Variants in SAMD5 observed in about 807,000 individuals in gnomAD.
The protein encoded by SAMD5 is sterile alpha motif domain-containing protein 5.
Under a neutral mutation model 11.3 loss-of-function variants are expected in SAMD5, and 13 were observed. The observed-to-expected ratio is 1.15, with a 90% CI of 0.75 to 1.83. The LOEUF is 1.83. Ranked by LOEUF, SAMD5 falls within the 40% of genes most tolerant of loss-of-function variation. The pLI is 0.00. For missense variants in SAMD5, 255 were observed against 239.1 expected, an observed-to-expected ratio of 1.07 and a Z score of -0.44; for synonymous variants, 129 against 111.3, an observed-to-expected ratio of 1.16 and a Z score of -1.00.
intron 1 of SAMD5, among the ~76,000 whole-genome samples, chr6:147,594,608 C>A (rs1789502878): frequency 6.6e-6 from 1 of 152,024 alleles, no homozygotes; most frequent in Non-Finnish European, 1.5e-5. Flanking sequence ...CAGAAGTTTC[C>A]TTTTAATAGT....
intron 1 of SAMD5, among the ~76,000 whole-genome samples, chr6:147,587,289 G>A (rs1339647835): frequency 1.3e-5 from 2 of 152,040 alleles, no homozygotes; most frequent in African/African-American, 4.8e-5. Flanking sequence ...CCAGGCTGGG[G>A]TACAGTGACG....
intron 1 of SAMD5, among the ~76,000 whole-genome samples, chr6:147,532,790 A>G (rs1788449011): frequency 6.6e-6 from 1 of 152,194 alleles, no homozygotes; most frequent in Admixed American, 6.5e-5. Context: ...CCACACCAAC[A>G]TCTACATAGC....
At chr6:147,646,474 T>A (rs1334769337) in intron 1 of SAMD5, among the ~76,000 whole-genome samples, 1 of 152,222 alleles carries the variant, frequency 6.6e-6, no homozygotes, top group African/African-American at 2.4e-5. Context: ...TTGGCCTGTT[T>A]ATGTCTCATG....
chr6:147,628,450 G>A lies in SAMD5; in HGVS notation c.163-108867G>A, dbSNP rs117444935. On this transcript the variant is annotated intron_variant, in intron 1 of 1. Coordinates refer to the SAMD5 transcript ENST00000566741. ...TTTTGAGAATGAAAGAAATGAAAAA[G>A]CAACAGATCACCAGGAGCCACATGG... Among the ~76,000 whole-genome samples, 1,055 of 152,206 alleles carry A rather than the reference G, an allele frequency of 6.9e-3. 16 individuals carry two copies. Among genetic ancestry groups the A allele is most frequent in the East Asian group, 0.041 (213 of 5,174 alleles).
At chr6:147,715,935 G>A (rs960172935) in intron 1 of SAMD5, among the ~76,000 whole-genome samples, 5 of 152,142 alleles carry the variant, frequency 3.3e-5, no homozygotes, top group African/African-American at 7.2e-5. Flanking sequence ...GAAGAAGTAC[G>A]TGCTGATTGG....
chr6:147,614,353 C>A (rs1050615948), intron 1 of SAMD5, among the ~76,000 whole-genome samples: 32 of 151,664 alleles, frequency 2.1e-4, no homozygotes, highest in Non-Finnish European at 4.0e-4. Flanking sequence ...CCTGTAGTCC[C>A]AGCTACCAGG....
chr6:147,682,743 C>G (rs1790957787), intron 1 of SAMD5, among the ~76,000 whole-genome samples: 2 of 150,534 alleles, frequency 1.3e-5, no homozygotes, highest in Non-Finnish European at 3.0e-5. Context: ...ATTATCCTTA[C>G]TGGTCTTTAC....
At chr6:147,540,075 T>TTCTTTTTTTTCTCTC (rs1476443517) in intron 1 of SAMD5, among the ~76,000 whole-genome samples, 2 of 151,502 alleles carry the variant, frequency 1.3e-5, no homozygotes, top group East Asian at 3.9e-4. Flanking sequence ...GGTGAGCAGT[T>TTCTTTTTTTTCTCTC]TCTTTTTTTT....
intron 1 of SAMD5, among the ~76,000 whole-genome samples, chr6:147,674,847 C>T (rs1182264825): frequency 6.6e-6 from 1 of 152,142 alleles, no homozygotes; most frequent in Non-Finnish European, 1.5e-5. Flanking sequence ...TCTGCTGTTT[C>T]CCCTTTATTT....
chr6:147,895,758 C>T, the SAMD5 span, among the ~76,000 whole-genome samples: 2 of 152,196 alleles, frequency 1.3e-5, no homozygotes, highest in African/African-American at 4.8e-5. Flanking sequence ...ACCTCGGCCA[C>T]ATTAGAAAAT....
chr6:147,759,733 C>T, the SAMD5 span, among the ~76,000 whole-genome samples: 1 of 152,036 alleles, frequency 6.6e-6, no homozygotes, highest in Non-Finnish European at 1.5e-5. Flanking sequence ...GTGAAGTCAT[C>T]ATTTGGCAGC....
chr6:147,853,525 G>T, the SAMD5 span, among the ~76,000 whole-genome samples: 1 of 152,080 alleles, frequency 6.6e-6, no homozygotes, highest in African/African-American at 2.4e-5. Context: ...ATTTTCAAAG[G>T]TGTGTCAAAG....
intron 1 of SAMD5, among the ~76,000 whole-genome samples, chr6:147,606,690 GAAATAT>G (rs962303599): frequency 4.3e-4 from 65 of 151,554 alleles, no homozygotes; most frequent in Admixed American, 6.6e-4. Flanking sequence ...ACTAGTCTAA[GAAATAT>G]AAATATAAAT....
the SAMD5 span, among the ~76,000 whole-genome samples, chr6:147,888,417 TG>T: frequency 6.6e-6 from 1 of 152,148 alleles, no homozygotes; most frequent in South Asian, 2.1e-4. Context: ...GTATTTTCAC[TG>T]GGAAAAGGGC....
At chr6:147,834,015 A>T in the SAMD5 span, among the ~76,000 whole-genome samples, 1 of 152,246 alleles carries the variant, frequency 6.6e-6, no homozygotes, top group Non-Finnish European at 1.5e-5. Context: ...GATGAATAGC[A>T]AGACTTCCTT....
chr6:147,872,611 C>A, the SAMD5 span, among the ~76,000 whole-genome samples: 1 of 152,196 alleles, frequency 6.6e-6, no homozygotes, highest in Non-Finnish European at 1.5e-5. Flanking sequence ...ATGTTTGCAT[C>A]ACTCCTCTAT....
intron 1 of SAMD5, among the ~76,000 whole-genome samples, chr6:147,542,813 A>G (rs919002583): frequency 1.3e-5 from 2 of 152,180 alleles, no homozygotes; most frequent in African/African-American, 2.4e-5. Flanking sequence ...CTACAGAAGC[A>G]ATCTAGTCCC....
intron 1 of SAMD5, among the ~76,000 whole-genome samples, chr6:147,580,582 C>T (rs1013874544): frequency 4.7e-4 from 72 of 152,272 alleles, no homozygotes; most frequent in African/African-American, 1.3e-3. Context: ...CATGTGTGGA[C>T]GCTGAGCATG....
chr6:147,908,655 A>T, the SAMD5 span, among the ~76,000 whole-genome samples: 1 of 152,190 alleles, frequency 6.6e-6, no homozygotes, highest in African/African-American at 2.4e-5. Flanking sequence ...ATTTGTGTAG[A>T]TACATATATG....
Sources: gnomAD v4.1 joint callset for allele counts (sites outside exome capture counted in the v4.1 genomes callset) on GRCh38, gnomAD v4.1.1 for gene constraint, MANE v1.5 for transcripts, NCBI Gene and HGNC (gene_info 2026-07-23, HGNC 2026-07-21) for gene names.